CORIN: variants seen among roughly 807,000 people sequenced by gnomAD.
CORIN encodes corin, serine peptidase, also known as atrial natriuretic peptide-converting enzyme.
CORIN carries 117 observed loss-of-function variants against 125.3 expected under a neutral mutation model. The observed-to-expected ratio is 0.93, with a 90% CI of 0.80 to 1.09. CORIN has a LOEUF of 1.09. Ranked by LOEUF, CORIN falls within the 50% of genes least tolerant of loss-of-function variation. CORIN has a pLI of 0.00. For synonymous variants in CORIN, 450 were observed against 466.4 expected, an observed-to-expected ratio of 0.96 and a Z score of 0.45; for missense variants, 1,253 against 1,306.7, an observed-to-expected ratio of 0.96 and a Z score of 0.63.
chr4:47,715,436 G>A (rs553089801), intron 5 of CORIN, among the ~76,000 whole-genome samples: 112 of 151,714 alleles, frequency 7.4e-4, no homozygotes, highest in African/African-American at 2.6e-3. Context: ...GCGAAACCTC[G>A]TCTCTACTAA....
intron 21 of CORIN, among the ~76,000 whole-genome samples, chr4:47,596,735 T>G (rs764327129): frequency 2.0e-5 from 3 of 152,214 alleles, no homozygotes; most frequent in Non-Finnish European, 4.4e-5. Flanking sequence ...TTACAAATAC[T>G]CCTTGACCTA....
intron 1 of CORIN, among the ~76,000 whole-genome samples, chr4:47,818,260 G>A (rs879917854): frequency 6.6e-6 from 1 of 152,192 alleles, no homozygotes; most frequent in Admixed American, 6.5e-5. Flanking sequence ...GAGCAGGTAG[G>A]CTGAGCAGAT....
intron 21 of CORIN, 31 bp from the exon 22 acceptor site, chr4:47,595,934 T>G (rs1162141292): frequency 6.3e-7 from 1 of 1,581,174 alleles, no homozygotes; most frequent in Admixed American, 1.8e-5. Flanking sequence ...AGTTAGGAAC[T>G]GGCATTTCAG....
intron 13 of CORIN, among the ~76,000 whole-genome samples, chr4:47,653,236 C>T (rs1241023923): frequency 2.0e-5 from 3 of 152,148 alleles, no homozygotes; most frequent in South Asian, 2.1e-4. Flanking sequence ...TAGGAAAAAG[C>T]ATAGTACTGC....
At chr4:47,801,420 C>T (rs565086569) in intron 2 of CORIN, among the ~76,000 whole-genome samples, 1 of 152,314 alleles carries the variant, frequency 6.6e-6, no homozygotes, top group South Asian at 2.1e-4. Context: ...CCCAAAGGAA[C>T]AGCAAATTTT....
rs10517194 is a variant in CORIN, at chr4:47,679,992, A to C, written c.1132+149T>G. On this transcript the variant is annotated intron_variant, in intron 8 of 21. Coordinates refer to ENST00000273857, the MANE Select transcript of CORIN (RefSeq NM_006587.4). Reference sequence around the variant, plus strand: ...GCTATTGTCATCCCATGACTCAGTGATCTTTACAGGCTAGAACCAAAGCAT... The same window carrying C: ...GCTATTGTCATCCCATGACTCAGTGCTCTTTACAGGCTAGAACCAAAGCAT... 3,434 of 556,134 alleles carry C rather than the reference A, an allele frequency of 6.2e-3. 97 individuals are homozygous for C. Among genetic ancestry groups the C allele is most frequent in the African/African-American group, 0.058 (3,010 of 52,074 alleles). 34.4% of individuals were successfully genotyped at this position (556,134 alleles called of 1,614,324 possible).
intron 1 of CORIN, among the ~76,000 whole-genome samples, chr4:47,825,839 G>A (rs1375310973): frequency 6.6e-6 from 1 of 151,490 alleles, no homozygotes; most frequent in Non-Finnish European, 1.5e-5. Context: ...TAGCTTACTA[G>A]ATTACAGGTG....
At chr4:47,789,894 C>T (rs1242918890) in intron 2 of CORIN, among the ~76,000 whole-genome samples, 9 of 151,972 alleles carry the variant, frequency 5.9e-5, no homozygotes, top group African/African-American at 1.4e-4. Context: ...TGGTGGCGGG[C>T]GCCTGTAGTC....
chr4:47,773,715 T>C (rs910835612), intron 3 of CORIN, among the ~76,000 whole-genome samples: 2 of 152,050 alleles, frequency 1.3e-5, no homozygotes, highest in Non-Finnish European at 2.9e-5. Context: ...CTCCTTAAAA[T>C]ACACATAAAA....
At chr4:47,706,626 C>G (rs987818514) in intron 5 of CORIN, 2 of 1,605,190 alleles carry the variant, frequency 1.2e-6, no homozygotes, top group East Asian at 2.2e-5. Context: ...GCAAGCCTGT[C>G]CATCATGGTG....
At chr4:47,642,535 G>A (rs1221339714) in intron 15 of CORIN, among the ~76,000 whole-genome samples, 1 of 152,216 alleles carries the variant, frequency 6.6e-6, no homozygotes, top group Non-Finnish European at 1.5e-5. Flanking sequence ...GAGCACTTAG[G>A]AAACGCTGCA....
At chr4:47,763,704 T>G in intron 3 of CORIN, 118 bp from the exon 4 acceptor site, 1 of 780,822 alleles carries the variant, frequency 1.3e-6, no homozygotes, top group South Asian at 1.8e-5. Context: ...AATTTAGATA[T>G]GCAATCATAC....
At chr4:47,644,371 A>G (rs1367383335) in intron 14 of CORIN, among the ~76,000 whole-genome samples, 1 of 152,224 alleles carries the variant, frequency 6.6e-6, no homozygotes, top group Admixed American at 6.5e-5. Flanking sequence ...ACTGCTGCAT[A>G]CAGCCTCAAG....
chr4:47,718,380 T>C (rs1040503094), intron 5 of CORIN, among the ~76,000 whole-genome samples: 1 of 152,202 alleles, frequency 6.6e-6, no homozygotes, highest in African/African-American at 2.4e-5. Flanking sequence ...CCTGAAATGA[T>C]GAGCCCTAGT....
intron 3 of CORIN, among the ~76,000 whole-genome samples, chr4:47,766,231 G>C (rs1729730160): frequency 6.6e-6 from 1 of 152,174 alleles, no homozygotes; most frequent in Non-Finnish European, 1.5e-5. Context: ...GCTTTAAGCA[G>C]AACAAAATTT....
chr4:47,790,429 T>A (rs1336714584), intron 2 of CORIN, among the ~76,000 whole-genome samples: 3 of 152,206 alleles, frequency 2.0e-5, no homozygotes, highest in African/African-American at 7.2e-5. Flanking sequence ...CTAGCAGGAC[T>A]GTCATTTTGC....
chr4:47,631,586 A>G (rs760051235), intron 16 of CORIN, among the ~76,000 whole-genome samples: 3 of 152,120 alleles, frequency 2.0e-5, no homozygotes, highest in Admixed American at 1.3e-4. Context: ...TAATGATTTC[A>G]TTATATATTA....
intron 5 of CORIN, among the ~76,000 whole-genome samples, chr4:47,704,253 T>C (rs1482949988): frequency 1.3e-5 from 2 of 152,098 alleles, no homozygotes; most frequent in Admixed American, 1.3e-4. Flanking sequence ...TAAAACTAAA[T>C]ACAAGCACAA....
Position 47,804,841 on chromosome 4 carries a change from T to C in CORIN, c.208+2062A>G, listed in dbSNP as rs575925419. Among the ~76,000 whole-genome samples, 152 of 152,040 alleles carry C rather than the reference T, an allele frequency of 1.0e-3. 3 individuals are homozygous for C. Among genetic ancestry groups the C allele is most frequent in the Middle Eastern group, 3.4e-3 (1 of 294 alleles). On this transcript the variant is annotated intron_variant, in intron 2 of 21. Coordinates refer to ENST00000273857, the MANE Select transcript of CORIN (RefSeq NM_006587.4). ...ATGACTATAGTAAATAGAAGTTTAA[T>C]TGTACATTTAAAAATAATAGAGTAT... is the stretch of plus-strand genomic sequence containing the variant.
Sources: gnomAD v4.1 joint callset for allele counts (sites outside exome capture counted in the v4.1 genomes callset) on GRCh38, gnomAD v4.1.1 for gene constraint, MANE v1.5 for transcripts, NCBI Gene and HGNC (gene_info 2026-07-23, HGNC 2026-07-21) for gene names.